The following CAMK2G variants were observed in gnomAD, a reference collection of about 807,000 sequenced individuals.
The protein encoded by CAMK2G is calcium/calmodulin-dependent protein kinase type II subunit gamma.
CAMK2G carries 23 observed loss-of-function variants against 88.7 expected under a neutral mutation model. That is an observed-to-expected ratio of 0.26 (90% CI 0.19 to 0.37). The LOEUF is 0.37. Among genes scored for constraint, CAMK2G ranks in the 10% least tolerant of loss-of-function variants. The pLI, the probability that CAMK2G is intolerant of heterozygous loss-of-function variation, is 1.00. For synonymous variants in CAMK2G, 263 were observed against 294.8 expected, an observed-to-expected ratio of 0.89 and a Z score of 1.11; for missense variants, 476 against 780.8, an observed-to-expected ratio of 0.61 and a Z score of 4.65.
intron 10 of CAMK2G, among the ~76,000 whole-genome samples, chr10:73,843,371 T>C (rs894025513): frequency 6.6e-6 from 1 of 152,192 alleles, no homozygotes; most frequent in Non-Finnish European, 1.5e-5. Context: ...CCGCCTTTTT[T>C]GGATGGAAAT....
intron 10 of CAMK2G, among the ~76,000 whole-genome samples, chr10:73,845,117 T>C (rs765214664): frequency 6.6e-6 from 1 of 152,176 alleles, no homozygotes; most frequent in African/African-American, 2.4e-5. Context: ...AACAGGCCCA[T>C]CTACAGCATA....
chr10:73,861,004 G>A, intron 2 of CAMK2G, 115 bp from the exon 3 acceptor site: 1 of 744,102 alleles, frequency 1.3e-6, no homozygotes, highest in Non-Finnish European at 2.4e-6. Flanking sequence ...ATGATTTGCT[G>A]AAGTAATGCA....
intron 2 of CAMK2G, among the ~76,000 whole-genome samples, chr10:73,862,294 T>TC (rs2095413159): frequency 4.3e-5 from 2 of 46,500 alleles, no homozygotes; most frequent in Admixed American, 2.8e-4. Context: ...TCCCTCCTAC[T>TC]CCACCCCCCC....
At chr10:73,818,598 G>T (rs2086588445) in intron 19 of CAMK2G, 2 of 433,820 alleles carry the variant, frequency 4.6e-6, no homozygotes, top group Admixed American at 4.8e-5. Context: ...GCACAGTTGG[G>T]ACAGGGCAGC....
chr10:73,818,899 G>T, intron 19 of CAMK2G: 1 of 446,772 alleles, frequency 2.2e-6, no homozygotes. Context: ...GACGTAACTA[G>T]AAATATGAGG....
At chr10:73,874,164 T>G (rs1311402932) in intron 1 of CAMK2G, among the ~76,000 whole-genome samples, 1 of 142,070 alleles carries the variant, frequency 7.0e-6, no homozygotes, top group East Asian at 2.2e-4. Context: ...GGGTCTGCGG[T>G]GTCCGCGGCG....
rs754191011 is a variant in CAMK2G, at chr10:73,874,384, G to A, written c.65+13C>T. ...GGCAGGGCAGGCAGGGGACCGCGGCGGGCGGGCCGTACTTGCCAAGCTCCT... is the reference window on the plus strand; with the variant it reads ...GGCAGGGCAGGCAGGGGACCGCGGCAGGCGGGCCGTACTTGCCAAGCTCCT... On this transcript the variant is annotated intron_variant, in intron 1 of 22. Coordinates refer to ENST00000423381, the MANE Select transcript of CAMK2G (RefSeq NM_001367534.1). 13 of 1,479,314 alleles carry A rather than the reference G, an allele frequency of 8.8e-6. No homozygotes were observed. Among genetic ancestry groups the A allele is most frequent in the South Asian group, 7.8e-5 (6 of 76,928 alleles). The allele number at this position is 1,479,314 out of a possible 1,614,324, so 91.6% of individuals were successfully genotyped here.
chr10:73,838,227 G>A (rs1433319217), intron 13 of CAMK2G, among the ~76,000 whole-genome samples: 1 of 152,188 alleles, frequency 6.6e-6, no homozygotes, highest in Non-Finnish European at 1.5e-5. Context: ...GGTGACACCA[G>A]CTGGCCACAA....
At chr10:73,816,963 G>T in intron 21 of CAMK2G, 60 bp downstream of exon 21, 1 of 1,613,676 alleles carries the variant, frequency 6.2e-7, no homozygotes, top group South Asian at 1.1e-5. Context: ...GTGAGCAGGA[G>T]ACAGAGACAA....
At chr10:73,864,207 A>G (rs1446621755) in intron 2 of CAMK2G, among the ~76,000 whole-genome samples, 1 of 152,070 alleles carries the variant, frequency 6.6e-6, no homozygotes, top group Non-Finnish European at 1.5e-5. Flanking sequence ...AAATTTAGCC[A>G]AATGTGCTCA....
At chr10:73,849,224 T>C in intron 6 of CAMK2G, 37 bp downstream of exon 6, 1 of 1,595,670 alleles carries the variant, frequency 6.3e-7, no homozygotes, top group Non-Finnish European at 8.6e-7. Context: ...CGCCAACACT[T>C]CATGAGCAGA....
intron 2 of CAMK2G, among the ~76,000 whole-genome samples, chr10:73,868,425 G>T (rs953342910): frequency 6.6e-6 from 1 of 152,190 alleles, no homozygotes. Flanking sequence ...AGCTCAACGT[G>T]ACCGCGTGAC....
chr10:73,873,578 C>G (rs2095927494), intron 1 of CAMK2G: 1 of 983,668 alleles, frequency 1.0e-6, no homozygotes, highest in Non-Finnish European at 1.2e-6. Context: ...AACCCCCCCA[C>G]AGCCGGTTTC....
intron 3 of CAMK2G, among the ~76,000 whole-genome samples, chr10:73,855,057 C>A (rs1160188270): frequency 6.6e-6 from 1 of 152,120 alleles, no homozygotes; most frequent in Non-Finnish European, 1.5e-5. Context: ...CCTAGGCCTG[C>A]AGATGACAGA....
chr10:73,849,362 A>G (rs2094466471), intron 5 of CAMK2G, 29 bp from the exon 6 acceptor site: 2 of 1,562,264 alleles, frequency 1.3e-6, no homozygotes, highest in East Asian at 2.3e-5. Flanking sequence ...AAGAAATGTT[A>G]GCGCAGGGTT....
chr10:73,815,167 T>C lies in CAMK2G; in HGVS notation c.1615A>G (p.Ile539Val). The C allele has an allele frequency of 6.2e-7, 1 of 1,614,258 alleles. No homozygotes were observed. The highest frequency in any genetic ancestry group is 8.5e-7 in the Non-Finnish European group (1 of 1,180,028). The stretch of plus-strand genomic sequence containing the variant: ...TACTGGGTGAGGCGGATGTAGGCGA[T>C]GCACGCTGCGTCCTCCCCAATCACG... ...VHVIGEDAAC[I>V]AYIRLTQYID... The change falls in exon 22 of 23, where the codon ATC becomes GTC. Residue 539 changes from isoleucine to valine, a missense_variant. By Grantham distance (29) the Ile-to-Val change is conservative (BLOSUM62 3). This residue lies in a region of CAMK2G where 278 missense variants were observed against 366.5 expected (regional missense o/e 0.76). Coordinates refer to ENST00000423381, the MANE Select transcript of CAMK2G (RefSeq NM_001367534.1).
In CAMK2G at chr10:73,813,229, C is replaced by G. The variant is rs2084593396; in HGVS notation, c.*1289G>C. 6.5e-6 allele frequency: 1 copy of G among 152,748 alleles called. No homozygotes were observed. The allele number at this position is 152,748 out of a possible 1,614,324, so 9.5% of individuals were successfully genotyped here. On this transcript the variant is annotated 3_prime_UTR_variant, in exon 23 of 23. Transcript: ENST00000423381. Reference sequence around the variant, plus strand: ...GGGACAATGAAGGTAGAAGCCTTGGCTCTGGACACCTCTTTTGGGTTACAT... The same window carrying G: ...GGGACAATGAAGGTAGAAGCCTTGGGTCTGGACACCTCTTTTGGGTTACAT...
intron 2 of CAMK2G, among the ~76,000 whole-genome samples, chr10:73,861,346 G>C (rs879939839): frequency 1.3e-5 from 2 of 152,128 alleles, no homozygotes; most frequent in Non-Finnish European, 2.9e-5. Flanking sequence ...AGTGGTCCAG[G>C]GTGTCCAGAA....
Position 73,842,693 on chromosome 10 carries a change from C to T in CAMK2G, c.820-152G>A. On this transcript the variant is annotated intron_variant, in intron 10 of 22. Coordinates refer to ENST00000423381, the MANE Select transcript of CAMK2G (RefSeq NM_001367534.1). This position sits in a 1 kb window ranked among gnomAD's most constrained non-coding sequence, Gnocchi z 4.6. ...AAATGAGGTCACAGATGTGAAAACGCTTTTAGAATAAAAGCACTACCCGAA... is the reference window on the plus strand; with the variant it reads ...AAATGAGGTCACAGATGTGAAAACGTTTTTAGAATAAAAGCACTACCCGAA... 1 of 612,378 alleles carries T rather than the reference C, an allele frequency of 1.6e-6. No individual in the cohort carries two copies. The highest frequency in any genetic ancestry group is 2.9e-6 in the Non-Finnish European group (1 of 343,182). The allele number at this position is 612,378 out of a possible 1,614,324, so 37.9% of individuals were successfully genotyped here. A position where few individuals can be genotyped will look rare whatever the true frequency, so the allele number is the denominator to read the frequency against.
Sources: allele counts gnomAD v4.1 joint callset (sites outside exome capture counted in the v4.1 genomes callset), GRCh38; gene constraint gnomAD v4.1.1; regional missense constraint gnomAD v4.1.1; non-coding constraint Gnocchi (gnomAD v3.1); transcripts MANE v1.5; gene names NCBI Gene and HGNC (gene_info 2026-07-23, HGNC 2026-07-21).